Variants in NRXN1 observed in about 807,000 individuals in gnomAD.
NRXN1 encodes neurexin 1, also known as neurexin-1.
NRXN1 carries 39 observed loss-of-function variants against 150.9 expected under a neutral mutation model. The ratio of observed to expected loss-of-function variants is 0.26; its 90% CI spans 0.20 to 0.34. The LOEUF (loss-of-function observed/expected upper bound fraction) is 0.34. Among genes scored for constraint, NRXN1 ranks in the 10% least tolerant of loss-of-function variants. The pLI, the probability that NRXN1 is intolerant of heterozygous loss-of-function variation, is 1.00. For synonymous variants in NRXN1, 924 were observed against 757.0 expected, an observed-to-expected ratio of 1.22 and a Z score of -3.62; for missense variants, 1,815 against 1,949.9, an observed-to-expected ratio of 0.93 and a Z score of 1.30.
chr2:50,514,547 G>C (rs2092569251), intron 12 of NRXN1, among the ~76,000 whole-genome samples: 1 of 152,164 alleles, frequency 6.6e-6, no homozygotes, highest in African/African-American at 2.4e-5. Flanking sequence ...TAGGTCAGAA[G>C]TCAAAACACT....
chr2:51,025,786 T>C (rs1670348371), intron 2 of NRXN1, among the ~76,000 whole-genome samples: 1 of 152,220 alleles, frequency 6.6e-6, no homozygotes, highest in Non-Finnish European at 1.5e-5. Context: ...TTTTTTATTT[T>C]GTAAAACATA....
chr2:50,745,863 T>A (rs371181350), intron 5 of NRXN1, among the ~76,000 whole-genome samples: 1 of 152,126 alleles, frequency 6.6e-6, no homozygotes, highest in East Asian at 1.9e-4. Context: ...TCATCACACG[T>A]GGGGATTATG....
intron 5 of NRXN1, among the ~76,000 whole-genome samples, chr2:50,782,995 A>C (rs1008143975): frequency 6.6e-6 from 1 of 152,150 alleles, no homozygotes; most frequent in Non-Finnish European, 1.5e-5. Context: ...GCGCTCTGAT[A>C]ATGTGTAAAG....
intron 18 of NRXN1, among the ~76,000 whole-genome samples, chr2:50,179,623 T>A (rs962987767): frequency 2.0e-5 from 3 of 152,154 alleles, no homozygotes; most frequent in African/African-American, 7.2e-5. Context: ...GTAAAGCTTA[T>A]AAAATACCTC....
At chr2:50,002,800 T>C (rs1438535789) in intron 21 of NRXN1, among the ~76,000 whole-genome samples, 1 of 152,090 alleles carries the variant, frequency 6.6e-6, no homozygotes, top group African/African-American at 2.4e-5. Context: ...ATGATAAAGA[T>C]GAGCCAGCTC....
chr2:50,887,843 A>G (rs539671912), intron 5 of NRXN1, among the ~76,000 whole-genome samples: 1 of 151,466 alleles, frequency 6.6e-6, no homozygotes, highest in Non-Finnish European at 1.5e-5. Context: ...TTTTACTTTA[A>G]CCTCAAATTG....
chr2:50,862,295 A>T (rs1674897952), intron 5 of NRXN1, among the ~76,000 whole-genome samples: 1 of 151,900 alleles, frequency 6.6e-6, no homozygotes, highest in African/African-American at 2.4e-5. Context: ...GACCATTTTT[A>T]TTCAGTGGTA....
At chr2:49,995,267 T>A (rs936606366) in intron 21 of NRXN1, among the ~76,000 whole-genome samples, 12 of 152,200 alleles carry the variant, frequency 7.9e-5, no homozygotes, top group African/African-American at 2.9e-4. Flanking sequence ...CTAATTGAAA[T>A]GAATGTTTTA....
chr2:50,543,913 T>C, intron 9 of NRXN1, among the ~76,000 whole-genome samples: 1 of 152,122 alleles, frequency 6.6e-6, no homozygotes, highest in African/African-American at 2.4e-5. Flanking sequence ...CCCTTTTTCC[T>C]GGTGAGAAAA....
intron 17 of NRXN1, among the ~76,000 whole-genome samples, chr2:50,388,908 A>G (rs1402882942): frequency 6.6e-6 from 1 of 152,172 alleles, no homozygotes; most frequent in Non-Finnish European, 1.5e-5. Context: ...TAGTCTGGTT[A>G]ATTATGTGGT....
chr2:51,024,934 T>C (rs143249410), intron 2 of NRXN1, among the ~76,000 whole-genome samples: 2 of 152,324 alleles, frequency 1.3e-5, no homozygotes, highest in East Asian at 1.9e-4. Flanking sequence ...CAGAGCTTTG[T>C]TGATATTTCA....
At position 50,095,128 on chromosome 2, in the gene NRXN1, T is replaced by C. The variant is rs117552852; in HGVS notation, c.3547-3634A>G. Among the ~76,000 whole-genome samples the C allele has an allele frequency of 8.9e-3, 1,354 of 152,280 alleles. 17 individuals are homozygous for C. Among genetic ancestry groups the C allele is most frequent in the South Asian group, 0.029 (140 of 4,824 alleles). On this transcript the variant is annotated intron_variant, in intron 18 of 22. Coordinates refer to ENST00000401669, the MANE Select transcript of NRXN1 (RefSeq NM_001330078.2). ...GTGCAAGTGGGGGCTCCACTGTGGCTGAAGCAGGGATAATGAAGAGGCTTT... is the reference window on the plus strand; with the variant it reads ...GTGCAAGTGGGGGCTCCACTGTGGCCGAAGCAGGGATAATGAAGAGGCTTT...
chr2:50,722,686 T>A (rs1394806490), intron 5 of NRXN1, among the ~76,000 whole-genome samples: 1 of 152,206 alleles, frequency 6.6e-6, no homozygotes, highest in Non-Finnish European at 1.5e-5. Context: ...ATGCTTTTCT[T>A]TTGTAATTAG....
intron 17 of NRXN1, among the ~76,000 whole-genome samples, chr2:50,277,284 TA>T (rs907279512): frequency 1.3e-5 from 2 of 151,986 alleles, no homozygotes; most frequent in African/African-American, 4.8e-5. Context: ...AAATAAATGT[TA>T]AAAAATGGAG....
intron 5 of NRXN1, among the ~76,000 whole-genome samples, chr2:50,889,792 T>C (rs1680787511): frequency 1.3e-5 from 2 of 151,672 alleles, no homozygotes; most frequent in Admixed American, 1.3e-4. Context: ...AAACAAATTT[T>C]ATAAAGCATT....
At chr2:50,065,112 A>G (rs778318151) in intron 19 of NRXN1, among the ~76,000 whole-genome samples, 7 of 152,184 alleles carry the variant, frequency 4.6e-5, no homozygotes, top group Non-Finnish European at 1.0e-4. Flanking sequence ...ACTGAAGAAA[A>G]CAAAGGACCA....
intron 8 of NRXN1, among the ~76,000 whole-genome samples, chr2:50,579,606 A>G (rs1342539088): frequency 6.6e-6 from 1 of 152,212 alleles, no homozygotes; most frequent in African/African-American, 2.4e-5. Flanking sequence ...CCAAGATCAC[A>G]CCACTGCACT....
intron 5 of NRXN1, among the ~76,000 whole-genome samples, chr2:50,722,002 G>T (rs1232080065): frequency 6.6e-6 from 1 of 152,082 alleles, no homozygotes; most frequent in African/African-American, 2.4e-5. Context: ...TCTGAGAAGA[G>T]AAAAATGTCT....
intron 2 of NRXN1, among the ~76,000 whole-genome samples, chr2:51,017,710 G>A (rs929306287): frequency 6.6e-6 from 1 of 151,676 alleles, no homozygotes; most frequent in Non-Finnish European, 1.5e-5. Context: ...GTGCTTTTGA[G>A]TAGTGAAATA....
Sources: gnomAD v4.1 joint callset for allele counts (sites outside exome capture counted in the v4.1 genomes callset) on GRCh38, gnomAD v4.1.1 for gene constraint, MANE v1.5 for transcripts, NCBI Gene and HGNC (gene_info 2026-07-23, HGNC 2026-07-21) for gene names.